The following ZNF385D variants were observed in gnomAD, a reference collection of about 807,000 sequenced individuals.
ZNF385D encodes zinc finger protein 659.
Under a neutral mutation model 35.8 loss-of-function variants are expected in ZNF385D, and 15 were observed. The observed-to-expected ratio is 0.42, with a 90% CI of 0.28 to 0.64. The LOEUF (loss-of-function observed/expected upper bound fraction) is 0.64. Ranked by LOEUF, ZNF385D falls within the 30% of genes least tolerant of loss-of-function variation. ZNF385D has a pLI of 0.23. For missense variants in ZNF385D, 474 were observed against 494.6 expected (o/e 0.96, Z 0.39); for synonymous variants, 212 against 186.8 (o/e 1.13, Z -1.10).
At chr3:21,592,772 C>A (rs924573836) in intron 2 of ZNF385D, among the ~76,000 whole-genome samples, 1 of 152,152 alleles carries the variant, frequency 6.6e-6, no homozygotes, top group Non-Finnish European at 1.5e-5. Flanking sequence ...ATTCCATTTT[C>A]TTCTAAGTAG....
At position 22,279,179 on chromosome 3, in the gene ZNF385D, C is replaced by A. The variant is rs532839601; in HGVS notation, c.106+93271G>T. ...GTTACATGAATAAGTTATTTAGTGG[C>A]CAATTCTGAGATCTTGGTGTACTCA... On this transcript the variant is annotated intron_variant, in intron 2 of 5. Coordinates refer to the ZNF385D transcript ENST00000494108. Among the ~76,000 whole-genome samples the A allele has an allele frequency of 3.9e-5, 6 of 151,964 alleles. No individual in the cohort carries two copies. In the East Asian group the frequency reaches 7.8e-4, roughly 20 times the overall value.
rs1702861940 is a variant in ZNF385D at position 21,456,915 on chromosome 3, C to A, written c.440-19712G>T. Reference sequence around the variant, plus strand: ...ATTGCTACCTTTCTACCCATTCCTGCAATTCCCCTTTATCTCCCTTGCCTT... The same window carrying A: ...ATTGCTACCTTTCTACCCATTCCTGAAATTCCCCTTTATCTCCCTTGCCTT... On this transcript the variant is annotated intron_variant, in intron 4 of 7. Coordinates refer to ENST00000281523, the MANE Select transcript of ZNF385D (RefSeq NM_024697.3). Among the ~76,000 whole-genome samples the A allele has an allele frequency of 2.0e-5, 3 of 152,088 alleles. No homozygotes were observed. The South Asian group carries it at 6.2e-4, about 32-fold the overall frequency.
chr3:21,954,064 T>A (rs567378199), intron 3 of ZNF385D, among the ~76,000 whole-genome samples: 1 of 152,118 alleles, frequency 6.6e-6, no homozygotes, highest in African/African-American at 2.4e-5. Context: ...AGTCAGATTT[T>A]ATTTAATCAC....
chr3:21,842,990 A>G (rs1294822008), intron 3 of ZNF385D, among the ~76,000 whole-genome samples: 1 of 152,120 alleles, frequency 6.6e-6, no homozygotes, highest in South Asian at 2.1e-4. Flanking sequence ...TATTTGAAAT[A>G]GTTTAGAGCA....
At chr3:21,789,298 G>A (rs1440733481) in intron 3 of ZNF385D, among the ~76,000 whole-genome samples, 3 of 152,092 alleles carry the variant, frequency 2.0e-5, no homozygotes, top group Non-Finnish European at 4.4e-5. Context: ...AATCAACCAA[G>A]AGCAAGACAC....
At chr3:21,867,130 G>A (rs934242232) in intron 3 of ZNF385D, among the ~76,000 whole-genome samples, 1 of 151,842 alleles carries the variant, frequency 6.6e-6, no homozygotes, top group Non-Finnish European at 1.5e-5. Context: ...AAGGGAGGGG[G>A]GCAAAATGGA....
intron 3 of ZNF385D, among the ~76,000 whole-genome samples, chr3:22,023,172 A>T (rs954174730): frequency 2.6e-5 from 4 of 152,178 alleles, no homozygotes; most frequent in Admixed American, 2.0e-4. Flanking sequence ...GAATTGAAGT[A>T]ATGATGGTAG....
At chr3:21,964,038 T>G (rs1053580605) in intron 3 of ZNF385D, among the ~76,000 whole-genome samples, 1 of 152,132 alleles carries the variant, frequency 6.6e-6, no homozygotes, top group Non-Finnish European at 1.5e-5. Context: ...GCGGGCAAAG[T>G]ATTCTGCACA....
intron 3 of ZNF385D, among the ~76,000 whole-genome samples, chr3:21,518,929 T>A (rs1360304812): frequency 6.6e-6 from 1 of 152,198 alleles, no homozygotes; most frequent in Non-Finnish European, 1.5e-5. Context: ...TGTTATTGTG[T>A]AGTTATCATG....
chr3:21,780,403 C>T (rs2071443552), intron 3 of ZNF385D, among the ~76,000 whole-genome samples: 1 of 152,066 alleles, frequency 6.6e-6, no homozygotes, highest in East Asian at 1.9e-4. Context: ...TTTCCTCTTC[C>T]TCACCTACTT....
chr3:21,471,347 GCTGT>G (rs1703890895), intron 4 of ZNF385D, among the ~76,000 whole-genome samples: 1 of 133,924 alleles, frequency 7.5e-6, no homozygotes, highest in African/African-American at 2.9e-5. Context: ...CTTGGTGATG[GCTGT>G]TTTTTACTAC....
chr3:22,313,052 T>A (rs1460564868), intron 2 of ZNF385D, among the ~76,000 whole-genome samples: 1 of 151,996 alleles, frequency 6.6e-6, no homozygotes, highest in African/African-American at 2.4e-5. Context: ...ATATATACCA[T>A]GGAATACTAT....
At chr3:21,941,644 C>T (rs944295740) in intron 3 of ZNF385D, among the ~76,000 whole-genome samples, 3 of 151,784 alleles carry the variant, frequency 2.0e-5, no homozygotes, top group Non-Finnish European at 4.4e-5. Flanking sequence ...ACCACAGGCG[C>T]CCGCCACCAC....
chr3:21,827,787 G>C (rs909988632), intron 3 of ZNF385D, among the ~76,000 whole-genome samples: 17 of 152,142 alleles, frequency 1.1e-4, no homozygotes, highest in Admixed American at 1.1e-3. Context: ...CGTGACATTT[G>C]GTTCTTCATT....
At chr3:22,172,857 C>T (rs558959256) in intron 2 of ZNF385D, among the ~76,000 whole-genome samples, 1 of 152,238 alleles carries the variant, frequency 6.6e-6, no homozygotes, top group South Asian at 2.1e-4. Context: ...CCATTCAAAG[C>T]GGGATAGGGC....
intron 1 of ZNF385D, among the ~76,000 whole-genome samples, chr3:21,707,459 A>C (rs2067947981): frequency 6.6e-6 from 1 of 152,202 alleles, no homozygotes; most frequent in African/African-American, 2.4e-5. Context: ...ATGCAGATCA[A>C]ATTTTAGACA....
intron 3 of ZNF385D, among the ~76,000 whole-genome samples, chr3:22,010,816 G>C (rs1048318399): frequency 2.6e-5 from 4 of 152,108 alleles, no homozygotes; most frequent in African/African-American, 9.7e-5. Context: ...GGTGCTTTGG[G>C]TTGTTTATAT....
chr3:22,246,244 T>G (rs1462019382), intron 2 of ZNF385D, among the ~76,000 whole-genome samples: 1 of 152,178 alleles, frequency 6.6e-6, no homozygotes, highest in East Asian at 1.9e-4. Flanking sequence ...TCTATACCTT[T>G]CTATAACTAA....
chr3:21,536,037 C>T (rs1207147573), intron 3 of ZNF385D, among the ~76,000 whole-genome samples: 1 of 151,914 alleles, frequency 6.6e-6, no homozygotes, highest in African/African-American at 2.4e-5. Context: ...AATAAATATT[C>T]CCCTATATTT....
Sources: allele counts gnomAD v4.1 joint callset (sites outside exome capture counted in the v4.1 genomes callset), GRCh38; gene constraint gnomAD v4.1.1; transcripts MANE v1.5; gene names NCBI Gene and HGNC (gene_info 2026-07-23, HGNC 2026-07-21).